The following PSTPIP2 variants were observed in gnomAD, a reference collection of about 807,000 sequenced individuals.
PSTPIP2 encodes proline-serine-threonine phosphatase-interacting protein 2.
A neutral mutation model predicts 63.3 loss-of-function variants in PSTPIP2; 33 were observed. That is an observed-to-expected ratio of 0.52 (90% CI 0.40 to 0.70). PSTPIP2 has a LOEUF of 0.70. Among genes scored for constraint, PSTPIP2 ranks in the 30% least tolerant of loss-of-function variants. The pLI, the probability that PSTPIP2 is intolerant of heterozygous loss-of-function variation, is 0.00. For missense variants in PSTPIP2, 312 were observed against 400.7 expected (o/e 0.78, Z 1.89); for synonymous variants, 125 against 132.7 (o/e 0.94, Z 0.40).
intron 6 of PSTPIP2, among the ~76,000 whole-genome samples, chr18:46,001,012 C>T (rs1599703519): frequency 6.6e-6 from 1 of 152,168 alleles, no homozygotes; most frequent in African/African-American, 2.4e-5. Context: ...ATAATGAAAT[C>T]CTGTCATCAG....
intron 2 of PSTPIP2, chr18:46,028,682 G>A: frequency 1.2e-6 from 1 of 866,988 alleles, no homozygotes; most frequent in Non-Finnish European, 1.9e-6. Context: ...TGAACAATCG[G>A]TTTCGGAAAG....
intron 1 of PSTPIP2, among the ~76,000 whole-genome samples, chr18:46,051,780 C>T (rs1908591423): frequency 6.6e-6 from 1 of 152,180 alleles, no homozygotes. Flanking sequence ...CATTCAACCA[C>T]CTCTGAGTGT....
chr18:46,065,559 C>T (rs1909158469), intron 1 of PSTPIP2, among the ~76,000 whole-genome samples: 1 of 152,074 alleles, frequency 6.6e-6, no homozygotes. Flanking sequence ...CTCCGCCTCC[C>T]GGGTTCAAGT....
intron 6 of PSTPIP2, among the ~76,000 whole-genome samples, chr18:46,001,199 A>G (rs2051662459): frequency 6.6e-6 from 1 of 152,208 alleles, no homozygotes; most frequent in Non-Finnish European, 1.5e-5. Flanking sequence ...GTACTAGTTT[A>G]CATTCCCACC....
At chr18:45,993,134 G>A (rs61585603) in intron 10 of PSTPIP2, among the ~76,000 whole-genome samples, 3,433 of 152,078 alleles carry the variant, frequency 0.023, 127 homozygotes, top group African/African-American at 0.078. Flanking sequence ...TCACTGTGTC[G>A]CCGAGGCTGG....
chr18:45,988,856 G>A, intron 13 of PSTPIP2, 97 bp from the exon 14 acceptor site: 1 of 1,002,460 alleles, frequency 1.0e-6, no homozygotes, highest in Admixed American at 2.0e-5. Context: ...ACAGATTCTG[G>A]TGTCTATCCT....
intron 2 of PSTPIP2, chr18:46,028,464 G>C: frequency 3.3e-6 from 2 of 601,046 alleles, no homozygotes; most frequent in South Asian, 2.8e-5. Context: ...CAAACCGGCC[G>C]TGGAGTGGTG....
In PSTPIP2 at chr18:45,984,806, A is replaced by G. The variant is rs963510203; in HGVS notation, c.*653T>C. The G allele has an allele frequency of 6.6e-6, 1 of 152,278 alleles. No individual in the cohort carries two copies. The highest frequency in any genetic ancestry group is 6.5e-5 in the Admixed American group (1 of 15,290). The allele number at this position is 152,278 out of a possible 1,614,324, so 9.4% of individuals were successfully genotyped here. ...AAAAGTGCTGGCAAAAATATTTGGC[A>G]TCTTAAATTTCAGCATGAGCATCAC... On this transcript the variant is annotated 3_prime_UTR_variant, in exon 15 of 15. Coordinates refer to ENST00000409746, the MANE Select transcript of PSTPIP2 (RefSeq NM_024430.4).
intron 1 of PSTPIP2, among the ~76,000 whole-genome samples, 175 bp downstream of exon 1, chr18:46,071,981 C>A (rs546811989): frequency 6.6e-6 from 1 of 152,304 alleles, no homozygotes; most frequent in South Asian, 2.1e-4. Context: ...CCAAGTCTGC[C>A]CCTCGAGCAG....
intron 1 of PSTPIP2, among the ~76,000 whole-genome samples, chr18:46,059,365 C>G (rs1273774262): frequency 1.3e-5 from 2 of 152,108 alleles, no homozygotes; most frequent in Non-Finnish European, 2.9e-5. Flanking sequence ...TCTCCTGCCT[C>G]AGCCTACCAA....
chr18:46,045,234 C>G (rs1479918551), intron 1 of PSTPIP2, among the ~76,000 whole-genome samples: 1 of 152,198 alleles, frequency 6.6e-6, no homozygotes, highest in African/African-American at 2.4e-5. Context: ...CGGCACTATT[C>G]ACAATAGCAA....
At position 46,015,253 on chromosome 18, in the gene PSTPIP2, C is replaced by A. The variant is rs111675221; in HGVS notation, c.247+650G>T. On this transcript the variant is annotated intron_variant, in intron 4 of 14. Coordinates refer to ENST00000409746, the MANE Select transcript of PSTPIP2 (RefSeq NM_024430.4). ...ATGACAATATTTCCTTCGATGCTTA[C>A]TGTAATTAACTTTATTCTGGATACA... Among the ~76,000 whole-genome samples the A allele has an allele frequency of 5.4e-3, 816 of 152,286 alleles. 9 individuals carry two copies. The highest frequency in any genetic ancestry group is 0.014 in the Middle Eastern group (4 of 294).
At chr18:46,048,891 G>C (rs1454403924) in intron 1 of PSTPIP2, among the ~76,000 whole-genome samples, 5 of 152,090 alleles carry the variant, frequency 3.3e-5, no homozygotes, top group Non-Finnish European at 7.4e-5. Flanking sequence ...TCATTGTATT[G>C]TGATTGATTG....
At chr18:46,011,402 A>G in intron 4 of PSTPIP2, 115 bp from the exon 5 acceptor site, 1 of 804,116 alleles carries the variant, frequency 1.2e-6, no homozygotes, top group Non-Finnish European at 2.0e-6. Flanking sequence ...GGTAAAATCA[A>G]CATCACTTCA....
At chr18:45,999,864 A>C (rs1479447023) in intron 6 of PSTPIP2, among the ~76,000 whole-genome samples, 1 of 152,224 alleles carries the variant, frequency 6.6e-6, no homozygotes, top group Non-Finnish European at 1.5e-5. Flanking sequence ...AAGGCCAGGC[A>C]CCATGGCTCA....
intron 10 of PSTPIP2, among the ~76,000 whole-genome samples, chr18:45,992,419 A>C (rs999452234): frequency 2.4e-4 from 37 of 152,040 alleles, no homozygotes; most frequent in South Asian, 8.3e-4. Context: ...AAAATTAGCC[A>C]GGCATGGTGG....
intron 1 of PSTPIP2, among the ~76,000 whole-genome samples, chr18:46,057,026 C>G (rs1415386488): frequency 6.6e-6 from 1 of 152,080 alleles, no homozygotes; most frequent in Non-Finnish European, 1.5e-5. Flanking sequence ...ACTGCTTGAA[C>G]CGGGGAGGCG....
At chr18:46,061,174 C>T (rs565921289) in intron 1 of PSTPIP2, among the ~76,000 whole-genome samples, 7 of 151,942 alleles carry the variant, frequency 4.6e-5, no homozygotes, top group African/African-American at 7.3e-5. Context: ...CATGGTGGTG[C>T]GTGCCTGTAA....
At chr18:46,052,359 G>C (rs116530224) in intron 1 of PSTPIP2, among the ~76,000 whole-genome samples, 2,517 of 152,166 alleles carry the variant, frequency 0.017, 87 homozygotes, top group African/African-American at 0.058. Context: ...AATTTTGAAG[G>C]TCTTTGATCT....
Sources: gnomAD v4.1 joint callset for allele counts (sites outside exome capture counted in the v4.1 genomes callset) on GRCh38, gnomAD v4.1.1 for gene constraint, MANE v1.5 for transcripts, NCBI Gene and HGNC (gene_info 2026-07-23, HGNC 2026-07-21) for gene names.